The following MCC variants were observed in gnomAD, a reference collection of about 807,000 sequenced individuals.
MCC encodes colorectal mutant cancer protein.
In MCC, 90 loss-of-function variants were observed where a neutral mutation model predicts 116.2. The observed-to-expected ratio is 0.77, with a 90% CI of 0.65 to 0.92. The LOEUF is 0.92. Ranked by LOEUF, MCC falls within the 40% of genes least tolerant of loss-of-function variation. The pLI, the probability that MCC is intolerant of heterozygous loss-of-function variation, is 0.00. For missense variants in MCC, 1,516 were observed against 1,312.2 expected (o/e 1.16, Z -2.40); for synonymous variants, 578 against 510.5 (o/e 1.13, Z -1.78).
At chr5:113,040,518 G>C (rs1475528241) in intron 17 of MCC, among the ~76,000 whole-genome samples, 1 of 152,064 alleles carries the variant, frequency 6.6e-6, no homozygotes, top group African/African-American at 2.4e-5. Flanking sequence ...GATTCCCCCA[G>C]CTGACCTCAA....
At chr5:113,096,171 A>T (rs72803239) in intron 8 of MCC, among the ~76,000 whole-genome samples, 21,968 of 152,222 alleles carry the variant, frequency 0.14, 1,807 homozygotes, top group South Asian at 0.21. Flanking sequence ...CAGGCTGGGC[A>T]TGAGGAGAAG....
chr5:113,190,491 G>C (rs151159597), intron 3 of MCC, among the ~76,000 whole-genome samples: 1 of 152,204 alleles, frequency 6.6e-6, no homozygotes, highest in East Asian at 1.9e-4. Context: ...ATACCAAGGA[G>C]AAAGTCTCCA....
At chr5:113,105,348 G>C (rs929200623) in intron 6 of MCC, among the ~76,000 whole-genome samples, 3 of 152,092 alleles carry the variant, frequency 2.0e-5, no homozygotes, top group African/African-American at 7.2e-5. Context: ...ACTTACCTTT[G>C]GAAGACTTCA....
At chr5:113,155,474 A>T (rs1760123633) in intron 3 of MCC, among the ~76,000 whole-genome samples, 1 of 152,160 alleles carries the variant, frequency 6.6e-6, no homozygotes, top group Admixed American at 6.5e-5. Flanking sequence ...GTTTTCCATA[A>T]TGGTTGTCCT....
intron 1 of MCC, among the ~76,000 whole-genome samples, chr5:113,395,137 TAAC>T: frequency 6.6e-6 from 1 of 152,152 alleles, no homozygotes; most frequent in Non-Finnish European, 1.5e-5. Flanking sequence ...AATAAATGCA[TAAC>T]AAATAAATGA....
chr5:113,437,760 C>T (rs916958492), intron 1 of MCC, among the ~76,000 whole-genome samples: 2 of 152,204 alleles, frequency 1.3e-5, no homozygotes, highest in African/African-American at 4.8e-5. Flanking sequence ...CAAAAGGCTC[C>T]TTATCTATAT....
chr5:113,161,937 A>G (rs1455040739), intron 3 of MCC, among the ~76,000 whole-genome samples: 1 of 152,246 alleles, frequency 6.6e-6, no homozygotes, highest in Non-Finnish European at 1.5e-5. Flanking sequence ...AGGCCCAGGC[A>G]GGCCCTGGCT....
At chr5:113,456,971 G>C (rs1370696017) in intron 1 of MCC, among the ~76,000 whole-genome samples, 1 of 152,160 alleles carries the variant, frequency 6.6e-6, no homozygotes, top group Non-Finnish European at 1.5e-5. Context: ...AATGAGAGGT[G>C]ACAGCGTGCT....
intron 3 of MCC, among the ~76,000 whole-genome samples, chr5:113,300,047 C>T (rs529428830): frequency 1.3e-5 from 2 of 152,308 alleles, no homozygotes; most frequent in Admixed American, 1.3e-4. Flanking sequence ...GGCACACTGG[C>T]ATCACCTTTC....
chr5:113,122,603 C>A, intron 6 of MCC, 81 bp downstream of exon 6: 1 of 1,525,220 alleles, frequency 6.6e-7, no homozygotes. Flanking sequence ...AATTTTAATT[C>A]AGGCTGCCTC....
At chr5:113,377,696 A>C (rs551443166) in intron 2 of MCC, among the ~76,000 whole-genome samples, 1 of 152,320 alleles carries the variant, frequency 6.6e-6, no homozygotes, top group Non-Finnish European at 1.5e-5. Context: ...AAAAGAGACA[A>C]AAATTAACTG....
chr5:113,320,733 C>T (rs1767404159), intron 3 of MCC, among the ~76,000 whole-genome samples: 1 of 152,164 alleles, frequency 6.6e-6, no homozygotes, highest in African/African-American at 2.4e-5. Flanking sequence ...AATCCTAAGG[C>T]CTGGCACAGT....
At chr5:113,360,194 TAAA>T (rs34143495) in intron 2 of MCC, among the ~76,000 whole-genome samples, 1 of 148,328 alleles carries the variant, frequency 6.7e-6, no homozygotes, top group African/African-American at 2.4e-5. Flanking sequence ...CCAAGGGGAA[TAAA>T]AAAAAAAATG....
At chr5:113,480,602 A>G (rs1417288011) in intron 1 of MCC, among the ~76,000 whole-genome samples, 2 of 152,204 alleles carry the variant, frequency 1.3e-5, no homozygotes, top group Non-Finnish European at 2.9e-5. Context: ...CATTAAGATC[A>G]GGAGTGTCAA....
At chr5:113,110,451 T>C (rs1408690048) in intron 6 of MCC, among the ~76,000 whole-genome samples, 3 of 152,250 alleles carry the variant, frequency 2.0e-5, no homozygotes, top group Non-Finnish European at 4.4e-5. Context: ...CAACAGACGC[T>C]AGAAGGATTT....
intron 3 of MCC, among the ~76,000 whole-genome samples, chr5:113,282,939 C>T (rs1357186438): frequency 6.6e-6 from 1 of 152,214 alleles, no homozygotes; most frequent in African/African-American, 2.4e-5. Context: ...TGTGAAATCA[C>T]ATGTTGGTGG....
intron 11 of MCC, 139 bp from the exon 12 acceptor site, chr5:113,071,373 C>A: frequency 1.2e-6 from 1 of 836,442 alleles, no homozygotes; most frequent in Non-Finnish European, 1.9e-6. Context: ...AGTATTTTGT[C>A]AAAGAAGCAA....
At chr5:113,029,379 A>C (rs1307337354) in intron 17 of MCC, among the ~76,000 whole-genome samples, 1 of 150,324 alleles carries the variant, frequency 6.7e-6, no homozygotes, top group Non-Finnish European at 1.5e-5. Context: ...GATCCTCAGC[A>C]ATGAGTGCGG....
At chr5:113,414,211 G>A (rs1481422979) in intron 1 of MCC, among the ~76,000 whole-genome samples, 2 of 152,184 alleles carry the variant, frequency 1.3e-5, no homozygotes, top group African/African-American at 4.8e-5. Context: ...TTTGGAATAA[G>A]TGCGATTTGG....
Sources: allele counts gnomAD v4.1 joint callset (sites outside exome capture counted in the v4.1 genomes callset), GRCh38; gene constraint gnomAD v4.1.1; transcripts MANE v1.5; gene names NCBI Gene and HGNC (gene_info 2026-07-23, HGNC 2026-07-21).